SAMD4A: variants seen among roughly 807,000 people sequenced by gnomAD.
SAMD4A encodes the protein sterile alpha motif domain containing 4A.
SAMD4A carries 33 observed loss-of-function variants against 81.3 expected under a neutral mutation model. The ratio of observed to expected loss-of-function variants is 0.41; its 90% CI spans 0.31 to 0.54. The LOEUF (loss-of-function observed/expected upper bound fraction) is 0.54. SAMD4A is among the 20% of genes least tolerant of loss of function. The pLI, the probability that SAMD4A is intolerant of heterozygous loss-of-function variation, is 0.37. For missense variants in SAMD4A, 854 were observed against 951.1 expected, an observed-to-expected ratio of 0.90 and a Z score of 1.34; for synonymous variants, 389 against 382.1, an observed-to-expected ratio of 1.02 and a Z score of -0.21.
intron 2 of SAMD4A, among the ~76,000 whole-genome samples, chr14:54,622,620 G>T (rs981974665): frequency 1.3e-5 from 2 of 152,234 alleles, no homozygotes; most frequent in South Asian, 4.2e-4. Flanking sequence ...GCTGAGAGAG[G>T]ACTCCTGCCC....
At chr14:54,773,447 G>A (rs765645320) in intron 9 of SAMD4A, among the ~76,000 whole-genome samples, 1 of 152,194 alleles carries the variant, frequency 6.6e-6, no homozygotes, top group Non-Finnish European at 1.5e-5. Context: ...TTCAACATCC[G>A]TGAATGACTA....
rs995032221 is a variant in SAMD4A, at chr14:54,702,193, G to T, written c.328G>T (p.Ala110Ser). Residue 110 changes from alanine (A) to serine (S), a missense_variant, in exon 3 of 13, where the codon GCT (alanine) becomes TCT (serine). Around this residue, in one of 3 missense-constraint regions of SAMD4A, gnomAD observed 387 missense variants for 405.8 expected, o/e 0.95. Transcript: ENST00000554335. ...TATGAAACTGCTGCCCAAAATCCTG[G>T]CTCACTCTATTGAACACAACCAGCA... is the stretch of plus-strand genomic sequence containing the variant. The part of the protein sequence containing the change: ...EYMKLLPKIL[A>S]HSIEHNQHIE... 1 of 1,614,164 alleles carries T rather than the reference G, an allele frequency of 6.2e-7. No homozygotes were observed. The highest frequency in any genetic ancestry group is 1.7e-4 in the Middle Eastern group (1 of 6,060).
At chr14:54,621,158 G>A (rs1443643485) in intron 2 of SAMD4A, among the ~76,000 whole-genome samples, 1 of 152,124 alleles carries the variant, frequency 6.6e-6, no homozygotes, top group Non-Finnish European at 1.5e-5. Context: ...AAGGTTTTGT[G>A]CATTTCAACT....
At chr14:54,648,421 A>G (rs1424355277) in intron 2 of SAMD4A, among the ~76,000 whole-genome samples, 6 of 152,190 alleles carry the variant, frequency 3.9e-5, no homozygotes, top group Admixed American at 3.9e-4. Context: ...TGATGGGGGA[A>G]CAGCTCCTTT....
At chr14:54,692,738 G>A (rs2036473074) in intron 2 of SAMD4A, among the ~76,000 whole-genome samples, 1 of 152,064 alleles carries the variant, frequency 6.6e-6, no homozygotes. Context: ...GGGGTTTTTG[G>A]TGTAAAAAAC....
At chr14:54,688,314 T>C in intron 2 of SAMD4A, 1 of 985,464 alleles carries the variant, frequency 1.0e-6, no homozygotes, top group Non-Finnish European at 1.2e-6. Context: ...ACGTACTGGC[T>C]CTCACGCCCA....
At chr14:54,566,476 C>CCGG (rs1191652541), upstream of SAMD4A, among the ~76,000 whole-genome samples, 4 of 151,766 alleles carry the variant, frequency 2.6e-5, no homozygotes, top group African/African-American at 9.7e-5. Flanking sequence ...CTCCTCCCCG[C>CCGG]CGGCGGCGGC....
At chr14:54,655,599 A>G (rs1226594458) in intron 2 of SAMD4A, among the ~76,000 whole-genome samples, 2 of 151,916 alleles carry the variant, frequency 1.3e-5, no homozygotes, top group Non-Finnish European at 1.5e-5. Context: ...TTAGCCGGGC[A>G]TGGTGGCGCA....
intron 2 of SAMD4A, among the ~76,000 whole-genome samples, chr14:54,605,318 A>C (rs1463283623): frequency 6.6e-6 from 1 of 152,174 alleles, no homozygotes; most frequent in Non-Finnish European, 1.5e-5. Context: ...TCTTTAAGTC[A>C]TCAACATTAA....
rs764368957 is a variant in SAMD4A, at chr14:54,776,487, G to T, written c.1991G>T (p.Arg664Leu). Residue 664 changes from arginine to leucine, a missense_variant, in exon 11 of 13, where the codon CGC (arginine) becomes CTC (leucine). Physicochemically the swap from Arg to Leu is moderately radical, Grantham distance 102. Transcript: ENST00000554335. ...SRTHSSVQRT[R>L]SLPVHTSPQN... ...ACCCACAGCTCAGTCCAGAGGACCCGCTCGCTGCCCGTGCACACTTCCCCA... is the reference window on the plus strand; with the variant it reads ...ACCCACAGCTCAGTCCAGAGGACCCTCTCGCTGCCCGTGCACACTTCCCCA... The T allele has an allele frequency of 5.0e-6, 8 of 1,595,154 alleles. No homozygotes were observed. In the African/African-American group the frequency reaches 9.5e-5, roughly 19 times the overall value.
At position 54,578,442 on chromosome 14, in the gene SAMD4A, G is replaced by A. The variant is rs2033369425; in HGVS notation, c.196+10330G>A. ...TAAAAGTTTTCTTGGTGGGCGCACT[G>A]GCTCATGCCTGTAATCCCAGCACTT... On this transcript the variant is annotated intron_variant, in intron 2 of 12. Coordinates refer to ENST00000554335, the MANE Select transcript of SAMD4A (RefSeq NM_015589.6). Among the ~76,000 whole-genome samples, 3 of 147,508 alleles carry A rather than the reference G, an allele frequency of 2.0e-5. No individual in the cohort carries two copies. The South Asian group carries it at 6.6e-4, about 33-fold the overall frequency.
At chr14:54,726,416 C>G (rs1466859309) in intron 3 of SAMD4A, among the ~76,000 whole-genome samples, 1 of 152,112 alleles carries the variant, frequency 6.6e-6, no homozygotes, top group African/African-American at 2.4e-5. Context: ...AGAACCTGAA[C>G]AGAATTTTGC....
intron 4 of SAMD4A, among the ~76,000 whole-genome samples, chr14:54,738,766 C>T (rs992000527): frequency 6.6e-6 from 1 of 152,140 alleles, no homozygotes; most frequent in Non-Finnish European, 1.5e-5. Context: ...ATCTGTCAAT[C>T]GGCATCAAAA....
At chr14:54,728,326 C>T (rs60209199) in intron 3 of SAMD4A, among the ~76,000 whole-genome samples, 2 of 152,106 alleles carry the variant, frequency 1.3e-5, no homozygotes, top group Admixed American at 1.3e-4. Flanking sequence ...GTTCCAACAC[C>T]CACAGGGTAA....
rs543949576 is a variant in SAMD4A at position 54,709,523 on chromosome 14, G to A, written c.715+6943G>A. Among the ~76,000 whole-genome samples, 131 of 152,130 alleles carry A rather than the reference G, an allele frequency of 8.6e-4. 1 individual carries two copies. Among genetic ancestry groups the A allele is most frequent in the Middle Eastern group, 3.4e-3 (1 of 294 alleles). On this transcript the variant is annotated intron_variant, in intron 3 of 12. Coordinates refer to ENST00000554335, the MANE Select transcript of SAMD4A (RefSeq NM_015589.6). ...CCATGAGATAAGGGAAGAGTGGGTT[G>A]GGATAGGTTGAAAAATCTGTTATGC...
intron 2 of SAMD4A, among the ~76,000 whole-genome samples, chr14:54,657,076 A>T (rs777272271): frequency 1.3e-5 from 2 of 152,210 alleles, no homozygotes; most frequent in Non-Finnish European, 2.9e-5. Flanking sequence ...TGTAGAAGGC[A>T]TGCATTCCAT....
chr14:54,690,083 A>C (rs567181044), intron 2 of SAMD4A: 11 of 152,376 alleles, frequency 7.2e-5, no homozygotes, highest in African/African-American at 2.4e-4. Flanking sequence ...CTGTGTGATC[A>C]GCACTAACCT....
intron 2 of SAMD4A, among the ~76,000 whole-genome samples, chr14:54,616,114 T>C: frequency 6.6e-6 from 1 of 152,252 alleles, no homozygotes; most frequent in East Asian, 1.9e-4. Flanking sequence ...TAGCTTCCTC[T>C]ATTTAAGTTT....
intron 4 of SAMD4A, 97 bp downstream of exon 4, chr14:54,737,384 G>A: frequency 1.4e-6 from 2 of 1,406,958 alleles, no homozygotes; most frequent in South Asian, 2.5e-5. Flanking sequence ...GAGAGAAGGA[G>A]CCCACCCCTT....
Sources: gnomAD v4.1 joint callset for allele counts (sites outside exome capture counted in the v4.1 genomes callset) on GRCh38, gnomAD v4.1.1 for gene constraint, gnomAD v4.1.1 regional missense constraint, MANE v1.5 for transcripts, NCBI Gene and HGNC (gene_info 2026-07-23, HGNC 2026-07-21) for gene names.